The following NIPSNAP2 variants were observed in gnomAD, a reference collection of about 807,000 sequenced individuals.
The protein encoded by NIPSNAP2 is nipsnap homolog 2.
In NIPSNAP2, 42 loss-of-function variants were observed where a neutral mutation model predicts 48.4. The ratio of observed to expected loss-of-function variants is 0.87; its 90% CI spans 0.68 to 1.12. The LOEUF (loss-of-function observed/expected upper bound fraction) is 1.12. Ranked by LOEUF, NIPSNAP2 falls within the 50% of genes most tolerant of loss-of-function variation. The probability of loss-of-function intolerance (pLI) is 0.00; values close to 1 mark genes in which losing one functional copy is unlikely to be tolerated. For synonymous variants in NIPSNAP2, 158 were observed against 126.6 expected (o/e 1.25, Z -1.67); for missense variants, 314 against 347.3 (o/e 0.90, Z 0.76).
At chr7:55,982,613 T>A (rs929337350) in intron 5 of NIPSNAP2, among the ~76,000 whole-genome samples, 6 of 151,906 alleles carry the variant, frequency 3.9e-5, no homozygotes, top group East Asian at 2.0e-4. Flanking sequence ...TTAGCCGGGC[T>A]TGGTGGCAGG....
At chr7:55,994,268 C>T (rs996940101) in intron 7 of NIPSNAP2, among the ~76,000 whole-genome samples, 1 of 152,184 alleles carries the variant, frequency 6.6e-6, no homozygotes. Flanking sequence ...GTCCCATCCT[C>T]TGCCAGTTCT....
intron 1 of NIPSNAP2, among the ~76,000 whole-genome samples, chr7:55,975,784 T>G (rs2116340517): frequency 6.6e-6 from 1 of 152,278 alleles, no homozygotes; most frequent in Non-Finnish European, 1.5e-5. Context: ...ACACCTATAA[T>G]CCCAGCACTT....
rs151262602 is a variant in NIPSNAP2 at position 55,966,741 on chromosome 7, C to T, written c.92+2040C>T. ...AGGTTGCAGTGAGCCGAGATCATGC[C>T]ACTGCGTTCCAGCCTAGGTGACAGA... On this transcript the variant is annotated intron_variant, in intron 1 of 9. Transcript: ENST00000322090. 1.6e-3 allele frequency among the ~76,000 whole-genome samples: 240 copies of T among 152,268 alleles called. 2 individuals carry two copies. Among genetic ancestry groups the T allele is most frequent in the African/African-American group, 5.4e-3 (225 of 41,540 alleles).
Position 55,998,962 on chromosome 7 carries a change from T to C in NIPSNAP2, c.797-46T>C, listed in dbSNP as rs747984020. 2.1e-6 allele frequency: 3 copies of C among 1,457,556 alleles called. No homozygotes were observed. The East Asian group carries it at 6.8e-5, about 33-fold the overall frequency. The allele number at this position is 1,457,556 out of a possible 1,614,324, so 90.3% of individuals were successfully genotyped here. On this transcript the variant is annotated intron_variant, in intron 9 of 9. Transcript: ENST00000322090. The stretch of plus-strand genomic sequence containing the variant: ...TGTCTGTTAGTGTCATTTACCATAA[T>C]GTGTTTAGAAAGTAACAAGTGCAGT...
intron 7 of NIPSNAP2, among the ~76,000 whole-genome samples, chr7:55,987,418 A>C (rs1787353456): frequency 6.6e-6 from 1 of 152,184 alleles, no homozygotes; most frequent in Non-Finnish European, 1.5e-5. Flanking sequence ...ACCCGAGCTC[A>C]GGAGTTTGAG....
chr7:55,987,589 C>G (rs1173187066), intron 7 of NIPSNAP2, among the ~76,000 whole-genome samples: 1 of 152,150 alleles, frequency 6.6e-6, no homozygotes, highest in Non-Finnish European at 1.5e-5. Flanking sequence ...GATCGCGCCA[C>G]TGCCCTCCAG....
At chr7:55,969,853 G>A (rs1202004133) in intron 1 of NIPSNAP2, among the ~76,000 whole-genome samples, 2 of 151,848 alleles carry the variant, frequency 1.3e-5, no homozygotes, top group South Asian at 2.1e-4. Flanking sequence ...CGTGGTGGTG[G>A]GCGCCTGTAG....
intron 8 of NIPSNAP2, among the ~76,000 whole-genome samples, chr7:55,996,210 C>CA (rs1251719625): frequency 1.4e-5 from 2 of 147,278 alleles, no homozygotes; most frequent in African/African-American, 5.0e-5. Context: ...CGATTGAACT[C>CA]AAGAGGCGGA....
At chr7:55,978,307 C>G (rs1426391274) in intron 2 of NIPSNAP2, 42 bp downstream of exon 2, 2 of 1,612,762 alleles carry the variant, frequency 1.2e-6, no homozygotes, top group East Asian at 4.5e-5. Context: ...ACTTTTTTTC[C>G]CCTTTGTTCC....
At position 55,964,631 on chromosome 7, in the gene NIPSNAP2, G is replaced by T. The variant is rs563455116; in HGVS notation, c.22G>T (p.Ala8Ser). MAARVLR[A>S]RGAAWAGGLL... ...CAAGATGGCGGCGCGAGTGCTGCGC[G>T]CCCGCGGAGCGGCCTGGGCCGGCGG... is the stretch of plus-strand genomic sequence containing the variant. The change falls in exon 1 of 10, where the codon GCC becomes TCC. Residue 8 changes from alanine (A) to serine (S), a missense_variant. This residue lies in a region of NIPSNAP2 where 198 missense variants were observed against 185.5 expected (regional missense o/e 1.07). Transcript: ENST00000322090. 3.8e-6 allele frequency: 4 copies of T among 1,064,204 alleles called. No individual in the cohort carries two copies. Among genetic ancestry groups the T allele is most frequent in the Admixed American group, 5.4e-5 (1 of 18,370 alleles). 65.9% of individuals were successfully genotyped at this position (1,064,204 alleles called of 1,614,324 possible).
chr7:55,970,492 A>G (rs1786997317), intron 1 of NIPSNAP2, among the ~76,000 whole-genome samples: 1 of 151,664 alleles, frequency 6.6e-6, no homozygotes, highest in African/African-American at 2.4e-5. Flanking sequence ...GGTATTTTTT[A>G]GTAGAGACAG....
At chr7:55,991,169 A>G (rs900889307) in intron 7 of NIPSNAP2, among the ~76,000 whole-genome samples, 1 of 152,184 alleles carries the variant, frequency 6.6e-6, no homozygotes, top group Non-Finnish European at 1.5e-5. Flanking sequence ...GTCTCCAACA[A>G]ATAGTTCTGT....
At chr7:55,968,959 AT>A (rs1357571124) in intron 1 of NIPSNAP2, among the ~76,000 whole-genome samples, 7 of 151,830 alleles carry the variant, frequency 4.6e-5, no homozygotes, top group African/African-American at 1.7e-4. Context: ...AAGCAAGGTA[AT>A]TGCTCGAGCG....
chr7:55,996,134 C>G (rs1787558532), intron 8 of NIPSNAP2, among the ~76,000 whole-genome samples: 1 of 152,000 alleles, frequency 6.6e-6, no homozygotes, highest in Non-Finnish European at 1.5e-5. Context: ...ACTAAAAATA[C>G]AGAAAATTAG....
At chr7:55,997,340 T>G (rs750544184) in intron 8 of NIPSNAP2, 26 bp from the exon 9 acceptor site, 10 of 1,563,318 alleles carry the variant, frequency 6.4e-6, no homozygotes, top group East Asian at 2.2e-5. Context: ...TTTTAAGTCT[T>G]ACTTCTCTGT....
At position 55,983,708 on chromosome 7, in the gene NIPSNAP2, C is replaced by T. The variant is rs780430388; in HGVS notation, c.445-20C>T. 8.7e-6 allele frequency: 14 copies of T among 1,612,514 alleles called. No individual in the cohort carries two copies. The highest frequency in any genetic ancestry group is 1.2e-5 in the Non-Finnish European group (14 of 1,179,182). On this transcript the variant is annotated intron_variant, in intron 5 of 9. Transcript: ENST00000322090. ...TGTAAGTATCAGAAGATTTCATGAG[C>T]ACATTTTTTTCACTCAAAGGAATTT...
chr7:55,969,931 C>T (rs531530953), intron 1 of NIPSNAP2, among the ~76,000 whole-genome samples: 42 of 146,786 alleles, frequency 2.9e-4, no homozygotes, highest in African/African-American at 9.4e-4. Context: ...TGCAGTGAGC[C>T]GAGATCCCAC....
At chr7:55,964,774 C>A in intron 1 of NIPSNAP2, 73 bp downstream of exon 1, 2 of 730,922 alleles carry the variant, frequency 2.7e-6, no homozygotes, top group East Asian at 6.0e-5. Context: ...GGTTTCCCGG[C>A]GCCGGTCTCC....
chr7:55,991,725 GC>G lies in NIPSNAP2; in HGVS notation c.618-3168del, dbSNP rs1298839404. 2.9e-5 allele frequency: 5 copies of G among 170,748 alleles called. No homozygotes were observed. The East Asian group carries it at 8.6e-4, about 29-fold the overall frequency. 10.6% of individuals were successfully genotyped at this position (170,748 alleles called of 1,614,324 possible). A position where few individuals can be genotyped will look rare whatever the true frequency, so the allele number is the denominator to read the frequency against. On this transcript the variant is annotated intron_variant, in intron 7 of 9. Transcript: ENST00000322090. ...ATCGCACCATTGTACTCCACCGTGG[GC>G]AACAAGAGTGAAACTCTGTCTCAAA... is the stretch of plus-strand genomic sequence containing the variant.
Sources: gnomAD v4.1 joint callset for allele counts (sites outside exome capture counted in the v4.1 genomes callset) on GRCh38, gnomAD v4.1.1 for gene constraint, gnomAD v4.1.1 regional missense constraint, MANE v1.5 for transcripts, NCBI Gene and HGNC (gene_info 2026-07-23, HGNC 2026-07-21) for gene names.